The following TFRC variants were observed in gnomAD, a reference collection of about 807,000 sequenced individuals.
TFRC encodes the protein transferrin receptor protein 1.
In TFRC, 35 loss-of-function variants were observed where a neutral mutation model predicts 85.8. The ratio of observed to expected loss-of-function variants is 0.41; its 90% CI spans 0.31 to 0.54. The LOEUF (loss-of-function observed/expected upper bound fraction) is 0.54, where lower values mean the gene tolerates loss of function less well. TFRC is among the 20% of genes least tolerant of loss of function. The pLI, the probability that TFRC is intolerant of heterozygous loss-of-function variation, is 0.31. For missense variants in TFRC, 828 were observed against 921.5 expected, an observed-to-expected ratio of 0.90 and a Z score of 1.31; for synonymous variants, 362 against 328.6, an observed-to-expected ratio of 1.10 and a Z score of -1.10.
At chr3:196,057,268 T>C (rs761594110) in intron 16 of TFRC, among the ~76,000 whole-genome samples, 2 of 152,242 alleles carry the variant, frequency 1.3e-5, no homozygotes, top group Non-Finnish European at 2.9e-5. Context: ...AGACATTGTA[T>C]AGAAAAGCAC....
Position 196,072,116 on chromosome 3 carries a change from A to G in TFRC, c.471T>C (p.Ala157=). 6.2e-7 allele frequency: 1 copy of G among 1,614,142 alleles called. No homozygotes were observed. Residue 157 remains alanine, a synonymous_variant, in exon 5 of 19, where the codon GCT becomes GCC. Transcript: ENST00000360110. ...LNENSYVPRE[A]GSQKDENLAL... ...CAAGATTTTCATCTTTTTGAGATCCAGCCTCACGAGGGACATATGAATTTT... is the reference window on the plus strand; with the variant it reads ...CAAGATTTTCATCTTTTTGAGATCCGGCCTCACGAGGGACATATGAATTTT...
chr3:196,071,248 G>A (rs1718176816), intron 6 of TFRC, 148 bp downstream of exon 6: 3 of 621,042 alleles, frequency 4.8e-6, no homozygotes, highest in African/African-American at 1.8e-5. Context: ...GACAATGCAT[G>A]TTGACTGTGT....
chr3:196,070,409 C>A (rs1305623194), intron 6 of TFRC, among the ~76,000 whole-genome samples: 2 of 152,060 alleles, frequency 1.3e-5, no homozygotes, highest in Non-Finnish European at 2.9e-5. Flanking sequence ...GGATTACAGG[C>A]ACCCACCACC....
intron 1 of TFRC, among the ~76,000 whole-genome samples, 157 bp from the exon 2 acceptor site, chr3:196,077,279 G>A (rs532701598): frequency 6.6e-6 from 1 of 152,154 alleles, no homozygotes; most frequent in South Asian, 2.1e-4. Flanking sequence ...ACTAAATTAA[G>A]TGGGATCCTT....
chr3:196,073,921 G>A lies in TFRC; in HGVS notation c.434+9C>T. 1 of 1,608,242 alleles carries A rather than the reference G, an allele frequency of 6.2e-7. No homozygotes were observed. The highest frequency in any genetic ancestry group is 1.1e-5 in the South Asian group (1 of 90,538). On this transcript the variant is annotated intron_variant, in intron 4 of 18. Coordinates refer to ENST00000360110, the MANE Select transcript of TFRC (RefSeq NM_001128148.3). ...TTGTCTAGATACTTGCACAGCAGCT[G>A]GCACTCACTTGATGGTGCCGGTGAA... is the stretch of plus-strand genomic sequence containing the variant.
chr3:196,071,245 C>T, intron 6 of TFRC, 151 bp downstream of exon 6: 1 of 606,366 alleles, frequency 1.6e-6, no homozygotes, highest in Non-Finnish European at 2.9e-6. Context: ...GAAGACAATG[C>T]ATGTTGACTG....
At chr3:196,063,373 TAAAA>T (rs1175608186) in intron 11 of TFRC, 2 of 153,366 alleles carry the variant, frequency 1.3e-5, no homozygotes, top group Non-Finnish European at 2.9e-5. Flanking sequence ...TAAAATAAAA[TAAAA>T]ATTCACAAAT....
At position 196,070,533 on chromosome 3, in the gene TFRC, G is replaced by A. The variant is rs41301387; in HGVS notation, c.687+863C>T. On this transcript the variant is annotated intron_variant, in intron 6 of 18. Coordinates refer to ENST00000360110, the MANE Select transcript of TFRC (RefSeq NM_001128148.3). ...CTCCCAAAGTGCTGGGATTACAGGCGTGAGCCACCACGCCCAGCCACAAAT... is the reference window on the plus strand; with the variant it reads ...CTCCCAAAGTGCTGGGATTACAGGCATGAGCCACCACGCCCAGCCACAAAT... Among the ~76,000 whole-genome samples, 82 of 152,144 alleles carry A rather than the reference G, an allele frequency of 5.4e-4. No homozygotes were observed. The East Asian group carries it at 0.015, about 27-fold the overall frequency.
chr3:196,071,534 C>A, intron 5 of TFRC, 36 bp from the exon 6 acceptor site: 1 of 1,594,388 alleles, frequency 6.3e-7, no homozygotes, highest in South Asian at 1.1e-5. Context: ...AGCCTAAGGT[C>A]ATCCTTCCAA....
rs41295867 is a variant in TFRC at position 196,065,714 on chromosome 3, C to T, written c.1041-114G>A. ...ATATAAACAAAACTTACTCTCAGCCCGGCGAAGTGGCTCACCCCTGTAATC... is the reference window on the plus strand; with the variant it reads ...ATATAAACAAAACTTACTCTCAGCCTGGCGAAGTGGCTCACCCCTGTAATC... On this transcript the variant is annotated intron_variant, in intron 9 of 18. Transcript: ENST00000360110. 6.1e-3 allele frequency: 7,343 copies of T among 1,194,216 alleles called. 35 individuals carry two copies. Among genetic ancestry groups the T allele is most frequent in the Non-Finnish European group, 7.2e-3 (6,405 of 887,896 alleles). The allele number at this position is 1,194,216 out of a possible 1,614,324, so 74.0% of individuals were successfully genotyped here.
intron 16 of TFRC, among the ~76,000 whole-genome samples, chr3:196,057,055 C>T (rs575596534): frequency 2.0e-5 from 3 of 152,196 alleles, no homozygotes; most frequent in South Asian, 2.1e-4. Context: ...CTCCTGACTT[C>T]GTAATCCGCC....
intron 6 of TFRC, among the ~76,000 whole-genome samples, chr3:196,070,414 A>G (rs1438608448): frequency 6.6e-6 from 1 of 151,758 alleles, no homozygotes; most frequent in Non-Finnish European, 1.5e-5. Flanking sequence ...ACAGGCACCC[A>G]CCACCACGCC....
chr3:196,066,876 A>G (rs1454473412), intron 9 of TFRC, among the ~76,000 whole-genome samples: 1 of 152,216 alleles, frequency 6.6e-6, no homozygotes, highest in Admixed American at 6.6e-5. Context: ...TGCTTTCATA[A>G]AGGCCTGAAA....
intron 9 of TFRC, 26 bp downstream of exon 9, chr3:196,067,492 A>C: frequency 6.2e-7 from 1 of 1,610,636 alleles, no homozygotes; most frequent in East Asian, 2.2e-5. Flanking sequence ...CTCACTATGC[A>C]AGACCGCTTT....
At chr3:196,073,857 T>C (rs1718433694) in intron 4 of TFRC, 73 bp downstream of exon 4, 1 of 1,461,104 alleles carries the variant, frequency 6.8e-7, no homozygotes, top group African/African-American at 1.4e-5. Context: ...AGTGTCACCA[T>C]TATTGTTTCC....
At chr3:196,056,718 C>T (rs1046411948) in intron 16 of TFRC, among the ~76,000 whole-genome samples, 1 of 152,152 alleles carries the variant, frequency 6.6e-6, no homozygotes, top group African/African-American at 2.4e-5. Flanking sequence ...ATTATTAAAA[C>T]TCATAAAGAA....
At chr3:196,060,289 A>G (rs1157928234) in intron 13 of TFRC, 42 bp from the exon 14 acceptor site, 2 of 1,544,366 alleles carry the variant, frequency 1.3e-6, no homozygotes, top group African/African-American at 1.4e-5. Context: ...CTCCATTCCG[A>G]TAATTTTCAC....
intron 3 of TFRC, 39 bp downstream of exon 3, chr3:196,075,120 G>T: frequency 6.3e-7 from 1 of 1,584,508 alleles, no homozygotes; most frequent in Non-Finnish European, 8.7e-7. Flanking sequence ...CCCAGAGTTG[G>T]TTATAGAAAA....
intron 6 of TFRC, 89 bp downstream of exon 6, chr3:196,071,307 A>G (rs1376520548): frequency 1.1e-5 from 13 of 1,234,364 alleles, no homozygotes; most frequent in Non-Finnish European, 1.5e-5. Context: ...TACATTTTAC[A>G]GGTAAATTTA....
Sources: allele counts gnomAD v4.1 joint callset (sites outside exome capture counted in the v4.1 genomes callset), GRCh38; gene constraint gnomAD v4.1.1; transcripts MANE v1.5; gene names NCBI Gene and HGNC (gene_info 2026-07-23, HGNC 2026-07-21).